CHRDL1: variants seen among roughly 807,000 people sequenced by gnomAD.
CHRDL1 encodes chordin-like protein 1.
Under a neutral mutation model 40.9 loss-of-function variants are expected in CHRDL1, and 19 were observed. The observed-to-expected ratio is 0.46, with a 90% CI of 0.32 to 0.68. The LOEUF is 0.68. CHRDL1 is among the 30% of genes least tolerant of loss of function. The probability of loss-of-function intolerance (pLI) is 0.03; values close to 1 mark genes in which losing one functional copy is unlikely to be tolerated. For synonymous variants in CHRDL1, 136 were observed against 123.4 expected, an observed-to-expected ratio of 1.10 and a Z score of -0.68; for missense variants, 329 against 352.1, an observed-to-expected ratio of 0.93 and a Z score of 0.53.
intron 4 of CHRDL1, among the ~76,000 whole-genome samples, chrX:110,729,724 A>G (rs2071123816): frequency 9.0e-6 from 1 of 111,626 alleles, no homozygotes; most frequent in Admixed American, 9.5e-5. Flanking sequence ...TCCTAGGGAG[A>G]GGAGAAGCCT....
intron 4 of CHRDL1, among the ~76,000 whole-genome samples, chrX:110,727,805 T>C (rs1336836529): frequency 8.9e-6 from 1 of 112,105 alleles, no homozygotes; most frequent in East Asian, 2.8e-4. Context: ...AAAATACATA[T>C]ATATTTGACC....
intron 8 of CHRDL1, among the ~76,000 whole-genome samples, chrX:110,689,987 A>C (rs760209912): frequency 1.3e-4 from 6 of 45,964 alleles, no homozygotes; most frequent in African/African-American, 9.1e-4. Context: ...CTATATATCT[A>C]TATATATCTA....
chrX:110,743,485 C>T (rs2071396686), intron 4 of CHRDL1, among the ~76,000 whole-genome samples: 1 of 111,598 alleles, frequency 9.0e-6, no homozygotes, highest in Admixed American at 9.5e-5. Flanking sequence ...CTAGATAATC[C>T]CAGAATTCAG....
intron 4 of CHRDL1, among the ~76,000 whole-genome samples, chrX:110,740,003 A>C (rs1340363367): frequency 3.5e-5 from 4 of 112,682 alleles, no homozygotes; most frequent in Non-Finnish European, 7.5e-5. Flanking sequence ...AACGGCATGT[A>C]AGACCTGGCT....
At chrX:110,712,413 C>T (rs2070762251) in intron 6 of CHRDL1, among the ~76,000 whole-genome samples, 1 of 111,446 alleles carries the variant, frequency 9.0e-6, no homozygotes, top group African/African-American at 3.3e-5. Context: ...ACAAAGAGAT[C>T]AGCCAGCCAG....
intron 4 of CHRDL1, among the ~76,000 whole-genome samples, chrX:110,753,151 C>T (rs964558122): frequency 8.9e-6 from 1 of 112,043 alleles, no homozygotes; most frequent in African/African-American, 3.2e-5. Context: ...GTGGAAACAA[C>T]CCAAATGACT....
chrX:110,698,865 A>G (rs963745654), intron 7 of CHRDL1, among the ~76,000 whole-genome samples: 7 of 112,532 alleles, frequency 6.2e-5, no homozygotes, highest in Non-Finnish European at 1.3e-4. Context: ...GTTTAGAATG[A>G]CATCTGGTTG....
At chrX:110,726,345 A>T (rs1679856) in intron 4 of CHRDL1, among the ~76,000 whole-genome samples, 12,283 of 111,297 alleles carry the variant, frequency 0.11, 1,659 homozygotes, top group African/African-American at 0.38. Flanking sequence ...AGTGCTTTTA[A>T]TAGAAGAGGC....
intron 4 of CHRDL1, among the ~76,000 whole-genome samples, chrX:110,748,062 C>T (rs898396594): frequency 9.0e-6 from 1 of 111,549 alleles, no homozygotes; most frequent in African/African-American, 3.3e-5. Flanking sequence ...ACTCTTTCTC[C>T]CCCTTTGGAA....
Position 110,772,667 on chromosome X carries a change from C to T in CHRDL1, c.95-9860G>A, listed in dbSNP as rs1259990203. On this transcript the variant is annotated intron_variant, in intron 2 of 11. Coordinates refer to ENST00000372042, the MANE Select transcript of CHRDL1 (RefSeq NM_001143981.2). ...AGCAAAAAGAACAACAACAGACTGACGTTTTCAAGACAATGTGGTGTTGGC... is the reference window on the plus strand; with the variant it reads ...AGCAAAAAGAACAACAACAGACTGATGTTTTCAAGACAATGTGGTGTTGGC... Among the ~76,000 whole-genome samples the T allele has an allele frequency of 3.6e-5, 4 of 112,102 alleles. No homozygotes were observed. In the Admixed American group the frequency reaches 3.8e-4, roughly 11 times the overall value.
Position 110,679,351 on chromosome X carries a change from T to G in CHRDL1, c.1231A>C (p.Thr411Pro). ...TACTACTTACTCAGGGTTGTTCTGG[T>G]CACCAGCTTGAAGTGAGGAAGCTCC... ...FEELPHFKLV[T>P]RTTLSQWKIF... Residue 411 changes from threonine to proline, a missense_variant, in exon 11 of 12, where the codon ACC becomes CCC. Transcript: ENST00000372042. 1 of 1,200,846 alleles carries G rather than the reference T, an allele frequency of 8.3e-7. No individual in the cohort carries two copies. The highest frequency in any genetic ancestry group is 1.1e-6 in the Non-Finnish European group (1 of 885,516).
intron 4 of CHRDL1, among the ~76,000 whole-genome samples, chrX:110,758,773 A>G (rs890560756): frequency 8.9e-6 from 1 of 112,022 alleles, no homozygotes; most frequent in African/African-American, 3.2e-5. Context: ...TTACAAATAT[A>G]CATAGTTACA....
intron 2 of CHRDL1, among the ~76,000 whole-genome samples, chrX:110,765,045 TC>T (rs1397012337): frequency 8.9e-6 from 1 of 111,821 alleles, no homozygotes; most frequent in African/African-American, 3.3e-5. Flanking sequence ...TGAGTTGTGA[TC>T]TTTGTTGGAC....
At chrX:110,685,975 G>C (rs774568245) in intron 9 of CHRDL1, among the ~76,000 whole-genome samples, 2 of 103,622 alleles carry the variant, frequency 1.9e-5, no homozygotes, top group East Asian at 6.1e-4. Context: ...TGCAGCCATT[G>C]CTCCCAGGCA....
intron 6 of CHRDL1, among the ~76,000 whole-genome samples, chrX:110,703,045 C>T (rs2070548431): frequency 8.9e-6 from 1 of 112,040 alleles, no homozygotes; most frequent in South Asian, 3.7e-4. Context: ...ATGTCTTAGA[C>T]CACCTCTGTA....
At chrX:110,728,502 T>C (rs1374489039) in intron 4 of CHRDL1, among the ~76,000 whole-genome samples, 2 of 111,619 alleles carry the variant, frequency 1.8e-5, no homozygotes, top group Non-Finnish European at 3.8e-5. Context: ...TTCCTACTAG[T>C]GGGAGAGATC....
chrX:110,763,878 T>A (rs1457884056), intron 2 of CHRDL1, among the ~76,000 whole-genome samples: 1 of 111,736 alleles, frequency 8.9e-6, no homozygotes, highest in African/African-American at 3.3e-5. Context: ...TCTACTGTTT[T>A]TTCGTTTTTT....
chrX:110,757,830 C>T (rs2089481647), intron 4 of CHRDL1, among the ~76,000 whole-genome samples: 1 of 111,301 alleles, frequency 9.0e-6, no homozygotes, highest in Admixed American at 9.6e-5. Flanking sequence ...TTATTTTTCT[C>T]TCAAAATAAC....
At chrX:110,786,497 A>G (rs2090019671) in intron 2 of CHRDL1, among the ~76,000 whole-genome samples, 1 of 111,422 alleles carries the variant, frequency 9.0e-6, no homozygotes, top group African/African-American at 3.3e-5. Context: ...CCCCTATACT[A>G]TTCTCCTTTA....
Sources: gnomAD v4.1 joint callset for allele counts (sites outside exome capture counted in the v4.1 genomes callset) on GRCh38, gnomAD v4.1.1 for gene constraint, MANE v1.5 for transcripts, NCBI Gene and HGNC (gene_info 2026-07-23, HGNC 2026-07-21) for gene names.